Variants in NOSTRIN observed in about 807,000 individuals in gnomAD.
NOSTRIN encodes BM247 homolog.
NOSTRIN carries 63 observed loss-of-function variants against 59.0 expected under a neutral mutation model. The observed-to-expected ratio is 1.07, with a 90% CI of 0.87 to 1.32. The LOEUF is 1.32. Ranked by LOEUF, NOSTRIN falls within the 40% of genes most tolerant of loss-of-function variation. NOSTRIN has a pLI of 0.00. For missense variants in NOSTRIN, 512 were observed against 473.1 expected (o/e 1.08, Z -0.76); for synonymous variants, 200 against 165.4 (o/e 1.21, Z -1.61).
intron 8 of NOSTRIN, among the ~76,000 whole-genome samples, chr2:168,849,305 A>G (rs1157096031): frequency 1.3e-5 from 2 of 152,154 alleles, no homozygotes; most frequent in Non-Finnish European, 2.9e-5. Context: ...ACTTCCCTGG[A>G]TAAAAGGATG....
At chr2:168,808,318 G>A (rs1254448714) in intron 1 of NOSTRIN, among the ~76,000 whole-genome samples, 3 of 152,124 alleles carry the variant, frequency 2.0e-5, no homozygotes, top group Non-Finnish European at 2.9e-5. Flanking sequence ...GACTGGTAGG[G>A]CCTTTCCCTT....
At chr2:168,858,018 G>A (rs1253021319) in intron 12 of NOSTRIN, among the ~76,000 whole-genome samples, 2 of 152,220 alleles carry the variant, frequency 1.3e-5, no homozygotes, top group South Asian at 2.1e-4. Context: ...GCAATGACCC[G>A]TGGCTACAGT....
chr2:168,844,319 A>T (rs1559131185), intron 8 of NOSTRIN, among the ~76,000 whole-genome samples: 1 of 152,158 alleles, frequency 6.6e-6, no homozygotes, highest in Non-Finnish European at 1.5e-5. Flanking sequence ...ATATGACCAA[A>T]TTAAATAACT....
intron 2 of NOSTRIN, among the ~76,000 whole-genome samples, chr2:168,789,112 A>G (rs916233937): frequency 6.6e-6 from 1 of 152,186 alleles, no homozygotes; most frequent in African/African-American, 2.4e-5. Context: ...TGGGCAGGGA[A>G]AGCAAAGGCT....
At chr2:168,822,157 AT>A (rs1686780293) in intron 2 of NOSTRIN, among the ~76,000 whole-genome samples, 1 of 152,258 alleles carries the variant, frequency 6.6e-6, no homozygotes, top group South Asian at 2.1e-4. Flanking sequence ...AGAGAAATCT[AT>A]TTTTAAGTGC....
intron 8 of NOSTRIN, among the ~76,000 whole-genome samples, chr2:168,844,919 T>A (rs1450421358): frequency 6.6e-5 from 10 of 151,174 alleles, no homozygotes; most frequent in Admixed American, 6.6e-4. Context: ...ATTATGCTCC[T>A]GCCCCATTGA....
At chr2:168,807,549 C>T (rs982722067) in intron 1 of NOSTRIN, among the ~76,000 whole-genome samples, 6 of 152,168 alleles carry the variant, frequency 3.9e-5, no homozygotes, top group Admixed American at 2.0e-4. Flanking sequence ...TAAAGATTCT[C>T]TCCATTGCTC....
At chr2:168,797,270 T>G (rs1283781385), upstream of NOSTRIN, among the ~76,000 whole-genome samples, 1 of 151,894 alleles carries the variant, frequency 6.6e-6, no homozygotes, top group Admixed American at 6.6e-5. Flanking sequence ...TTTTATTTTT[T>G]ATTTTTGGTA....
At chr2:168,816,242 C>T (rs1300662714) in intron 2 of NOSTRIN, among the ~76,000 whole-genome samples, 2 of 152,172 alleles carry the variant, frequency 1.3e-5, no homozygotes, top group African/African-American at 4.8e-5. Flanking sequence ...AACTTGTGGG[C>T]CAGCTGAGGC....
rs1301575305 is a variant in NOSTRIN at position 168,824,695 on chromosome 2, G to A, written c.175G>A (p.Ala59Thr). Reference protein sequence around the residue: ...LQKLASKLSKALQNTRKSCVS... With the variant: ...LQKLASKLSKTLQNTRKSCVS... Reference sequence around the variant, plus strand: ...GAAACTGGCAAGCAAGCTGAGCAAAGCATTACAGAACACGAGAAAAAGGTA... The same window carrying A: ...GAAACTGGCAAGCAAGCTGAGCAAAACATTACAGAACACGAGAAAAAGGTA... The change falls in exon 3 of 16, where the codon GCA becomes ACA. Residue 59 changes from alanine to threonine, a missense_variant. Transcript: ENST00000317647. 3 of 872,656 alleles carry A rather than the reference G, an allele frequency of 3.4e-6. No homozygotes were observed. Among genetic ancestry groups the A allele is most frequent in the Admixed American group, 1.7e-5 (1 of 59,166 alleles). 54.1% of individuals were successfully genotyped at this position (872,656 alleles called of 1,614,324 possible).
intron 8 of NOSTRIN, among the ~76,000 whole-genome samples, chr2:168,850,490 C>T (rs1177476745): frequency 4.6e-5 from 7 of 152,152 alleles, no homozygotes; most frequent in Admixed American, 2.6e-4. Context: ...ACTAGCAGAA[C>T]GCCTTGAATG....
upstream of NOSTRIN, among the ~76,000 whole-genome samples, chr2:168,793,676 A>G (rs1438350044): frequency 6.6e-6 from 1 of 152,174 alleles, no homozygotes; most frequent in Non-Finnish European, 1.5e-5. Flanking sequence ...GGAGAGAAAA[A>G]AGACCCTTTT....
At chr2:168,839,683 G>A (rs1687946293) in intron 7 of NOSTRIN, among the ~76,000 whole-genome samples, 1 of 151,746 alleles carries the variant, frequency 6.6e-6, no homozygotes, top group Non-Finnish European at 1.5e-5. Flanking sequence ...GGAGGCTGAG[G>A]TGGGCAGATT....
At chr2:168,802,772 G>A in intron 1 of NOSTRIN, 99 bp downstream of exon 1, 1 of 810,836 alleles carries the variant, frequency 1.2e-6, no homozygotes, top group Non-Finnish European at 2.1e-6. Flanking sequence ...GAGACACTCA[G>A]AAACCAAACA....
intron 7 of NOSTRIN, among the ~76,000 whole-genome samples, chr2:168,840,529 C>CAAAAAAAAA (rs59235003): frequency 4.2e-4 from 42 of 99,304 alleles, no homozygotes; most frequent in African/African-American, 4.7e-4. Context: ...GACTCCATCT[C>CAAAAAAAAA]AAAAAAAAAA....
At chr2:168,856,558 G>T in intron 11 of NOSTRIN, 132 bp from the exon 12 acceptor site, 1 of 708,094 alleles carries the variant, frequency 1.4e-6, no homozygotes, top group Non-Finnish European at 2.4e-6. Context: ...CTGGGTGACA[G>T]AGCAAGACTC....
intron 4 of NOSTRIN, 90 bp downstream of exon 4, chr2:168,828,310 C>G (rs1687166055): frequency 1.2e-6 from 1 of 868,312 alleles, no homozygotes; most frequent in Non-Finnish European, 2.0e-6. Context: ...TTCCAACTTG[C>G]ACTGAATAGG....
At chr2:168,798,993 G>A (rs1280402747), upstream of NOSTRIN, among the ~76,000 whole-genome samples, 2 of 152,114 alleles carry the variant, frequency 1.3e-5, no homozygotes, top group African/African-American at 2.4e-5. Context: ...TCATGTAAAG[G>A]CATCTTGTTC....
At chr2:168,806,101 T>C (rs554360702) in intron 1 of NOSTRIN, among the ~76,000 whole-genome samples, 115 of 152,150 alleles carry the variant, frequency 7.6e-4, no homozygotes, top group African/African-American at 2.5e-3. Context: ...GTACATGGAA[T>C]CCCTTCAGAG....
Sources: allele counts gnomAD v4.1 joint callset (sites outside exome capture counted in the v4.1 genomes callset), GRCh38; gene constraint gnomAD v4.1.1; transcripts MANE v1.5; gene names NCBI Gene and HGNC (gene_info 2026-07-23, HGNC 2026-07-21).